Variants in PLD5 observed in about 807,000 individuals in gnomAD.
PLD5 encodes the protein phospholipase D family member 5.
PLD5 carries 36 observed loss-of-function variants against 61.1 expected under a neutral mutation model. The ratio of observed to expected loss-of-function variants is 0.59; its 90% CI spans 0.45 to 0.78. PLD5 has a LOEUF of 0.78. Ranked by LOEUF, PLD5 falls within the 30% of genes least tolerant of loss-of-function variation. The pLI, the probability that PLD5 is intolerant of heterozygous loss-of-function variation, is 0.00. For missense variants in PLD5, 515 were observed against 644.4 expected, an observed-to-expected ratio of 0.80 and a Z score of 2.17; for synonymous variants, 243 against 242.8, an observed-to-expected ratio of 1.00 and a Z score of -0.01.
At position 242,406,571 on chromosome 1, in the gene PLD5, C is replaced by T. The variant is rs569418293; in HGVS notation, c.190-58329G>A. ...TGTGGTCCAGGTTTCTTACTGACTA[C>T]CAAGGAAGCTTTTGATAAACAAGCT... On this transcript the variant is annotated intron_variant, in intron 1 of 9. Transcript: ENST00000536534. Among the ~76,000 whole-genome samples the T allele has an allele frequency of 1.0e-3, 154 of 152,250 alleles. No individual in the cohort carries two copies. The South Asian group carries it at 0.011, about 10-fold the overall frequency.
At chr1:242,180,047 T>C (rs537969302) in intron 5 of PLD5, among the ~76,000 whole-genome samples, 1 of 152,298 alleles carries the variant, frequency 6.6e-6, no homozygotes, top group South Asian at 2.1e-4. Context: ...TGCTTTTGCT[T>C]TTAGTTTATT....
At chr1:242,340,303 T>C (rs2149211865) in intron 2 of PLD5, among the ~76,000 whole-genome samples, 1 of 152,264 alleles carries the variant, frequency 6.6e-6, no homozygotes, top group South Asian at 2.1e-4. Context: ...AGTGCTCAGA[T>C]ATCAAATAAG....
intron 8 of PLD5, among the ~76,000 whole-genome samples, chr1:242,107,403 C>A (rs1282190018): frequency 6.9e-6 from 1 of 144,122 alleles, no homozygotes; most frequent in Non-Finnish European, 1.5e-5. Context: ...CAGAGCAAAA[C>A]CCTATCTCAA....
At chr1:242,160,755 C>T (rs1439001493) in intron 5 of PLD5, among the ~76,000 whole-genome samples, 1 of 151,988 alleles carries the variant, frequency 6.6e-6, no homozygotes, top group African/African-American at 2.4e-5. Flanking sequence ...TGTGGTTGCA[C>T]ACGCCTGTAG....
intron 4 of PLD5, among the ~76,000 whole-genome samples, chr1:242,247,936 C>A (rs1340749861): frequency 6.6e-6 from 1 of 152,168 alleles, no homozygotes; most frequent in Non-Finnish European, 1.5e-5. Context: ...CTGGCTGAAG[C>A]AGAATCTCTT....
At chr1:242,331,965 C>T (rs1452116253) in intron 2 of PLD5, among the ~76,000 whole-genome samples, 1 of 152,070 alleles carries the variant, frequency 6.6e-6, no homozygotes, top group African/African-American at 2.4e-5. Flanking sequence ...TATACACGTG[C>T]CATGGTGGTT....
intron 2 of PLD5, among the ~76,000 whole-genome samples, chr1:242,305,163 G>T (rs530265424): frequency 1.9e-4 from 29 of 152,276 alleles, no homozygotes; most frequent in African/African-American, 6.7e-4. Flanking sequence ...TAAGATTCCA[G>T]CAAACTTCTT....
intron 7 of PLD5, among the ~76,000 whole-genome samples, chr1:242,108,163 C>T (rs1238128180): frequency 6.6e-6 from 1 of 152,148 alleles, no homozygotes; most frequent in Non-Finnish European, 1.5e-5. Flanking sequence ...CCTCAGTCCA[C>T]TAAGAACTGA....
intron 1 of PLD5, among the ~76,000 whole-genome samples, chr1:242,411,284 G>A (rs954219537): frequency 8.5e-5 from 13 of 152,188 alleles, no homozygotes; most frequent in African/African-American, 3.1e-4. Flanking sequence ...CGCCCAGGCT[G>A]GAGTGCAGTG....
At chr1:242,526,427 TTTTG>T (rs201579307), upstream of PLD5, among the ~76,000 whole-genome samples, 10 of 152,142 alleles carry the variant, frequency 6.6e-5, no homozygotes, top group East Asian at 1.9e-4. Context: ...TCTCTGATAA[TTTTG>T]TTTGTTTGTT....
chr1:242,426,707 C>T (rs1000026077), intron 1 of PLD5, among the ~76,000 whole-genome samples: 3 of 152,190 alleles, frequency 2.0e-5, no homozygotes, highest in African/African-American at 7.2e-5. Context: ...GCAATATAAG[C>T]AATAATTAAG....
At chr1:242,168,218 G>A (rs886959568) in intron 5 of PLD5, among the ~76,000 whole-genome samples, 1 of 152,152 alleles carries the variant, frequency 6.6e-6, no homozygotes, top group Non-Finnish European at 1.5e-5. Context: ...AATCAAACAT[G>A]TATGTCTTTA....
At position 242,394,159 on chromosome 1, in the gene PLD5, TGA is replaced by T. The variant is rs1663189375; in HGVS notation, c.190-45919_190-45918del. Among the ~76,000 whole-genome samples the T allele has an allele frequency of 1.9e-5, 2 of 106,654 alleles. 1 individual carries two copies. The highest frequency in any genetic ancestry group is 3.8e-5 in the Non-Finnish European group (2 of 52,878). The allele number at this position is 106,654 out of a possible 152,430, so 70.0% of individuals were successfully genotyped here. On this transcript the variant is annotated intron_variant, in intron 1 of 9. Transcript: ENST00000536534. ...ATGAGTATATATATGTGTATATATA[TGA>T]GTATATATATGTGTATATATGAGTA...
intron 5 of PLD5, among the ~76,000 whole-genome samples, chr1:242,208,102 G>A (rs537053545): frequency 1.3e-5 from 2 of 148,732 alleles, no homozygotes; most frequent in South Asian, 4.2e-4. Flanking sequence ...GCTTCCTGAA[G>A]CCTTGACCTC....
intron 1 of PLD5, among the ~76,000 whole-genome samples, chr1:242,480,795 G>A (rs1202581885): frequency 6.6e-6 from 1 of 152,124 alleles, no homozygotes; most frequent in African/African-American, 2.4e-5. Flanking sequence ...AAACCACAAT[G>A]AGCTGCAACT....
chr1:242,291,503 G>T (rs1464730966), intron 2 of PLD5, among the ~76,000 whole-genome samples: 1 of 151,880 alleles, frequency 6.6e-6, no homozygotes, highest in Non-Finnish European at 1.5e-5. Context: ...TGGGGAGCTG[G>T]GATCCATTCA....
At chr1:242,101,704 T>G (rs1660705508) in intron 8 of PLD5, among the ~76,000 whole-genome samples, 1 of 152,180 alleles carries the variant, frequency 6.6e-6, no homozygotes, top group African/African-American at 2.4e-5. Context: ...GAAAAGGAGA[T>G]GTCATTTACA....
At chr1:242,394,997 G>GATTATATATGAATATATATGATTA in intron 1 of PLD5, among the ~76,000 whole-genome samples, 1 of 57,866 alleles carries the variant, frequency 1.7e-5, no homozygotes, top group South Asian at 6.9e-4. Context: ...GAATATATAT[G>GATTATATATGAATATATATGATTA]TATATATGAA....
intron 8 of PLD5, among the ~76,000 whole-genome samples, chr1:242,104,643 AG>A (rs1188481887): frequency 6.6e-6 from 1 of 152,172 alleles, no homozygotes; most frequent in Non-Finnish European, 1.5e-5. Context: ...TCTATAAAAT[AG>A]GGAAAGTACC....
Sources: allele counts gnomAD v4.1 joint callset (sites outside exome capture counted in the v4.1 genomes callset), GRCh38; gene constraint gnomAD v4.1.1; transcripts MANE v1.5; gene names NCBI Gene and HGNC (gene_info 2026-07-23, HGNC 2026-07-21).